CDYL: variants seen among roughly 807,000 people sequenced by gnomAD.
The protein encoded by CDYL is chromodomain Y like.
A neutral mutation model predicts 47.3 loss-of-function variants in CDYL; 8 were observed. The ratio of observed to expected loss-of-function variants is 0.17; its 90% confidence interval spans 0.10 to 0.31. CDYL has a LOEUF of 0.31. Among genes scored for constraint, CDYL ranks in the 10% least tolerant of loss-of-function variants. The probability of loss-of-function intolerance (pLI) is 1.00; values close to 1 mark genes in which losing one functional copy is unlikely to be tolerated. For missense variants in CDYL, 471 were observed against 701.4 expected, an observed-to-expected ratio of 0.67 and a Z score of 3.71; for synonymous variants, 266 against 265.0, an observed-to-expected ratio of 1.00 and a Z score of -0.04.
Position 4,805,212 on chromosome 6 carries a change from A to T in CDYL, c.24+28405A>T, listed in dbSNP as rs574912413. Among the ~76,000 whole-genome samples the T allele has an allele frequency of 2.0e-5, 3 of 152,368 alleles. No individual in the cohort carries two copies. The East Asian group carries it at 5.8e-4, about 29-fold the overall frequency. On this transcript the variant is annotated intron_variant, in intron 1 of 6. Transcript: ENST00000397588. ...AGAGTAAGTTTTGCTTTACTTTTAG[A>T]AACTTTTAGAACCAAACATGGGAAC... is the stretch of plus-strand genomic sequence containing the variant.
intron 3 of CDYL, among the ~76,000 whole-genome samples, chr6:4,759,302 A>G (rs1362454201): frequency 2.6e-5 from 4 of 152,120 alleles, no homozygotes; most frequent in Non-Finnish European, 5.9e-5. Flanking sequence ...CAAAATTAAT[A>G]CAGTTGTTAA....
At chr6:4,794,534 A>T (rs1759016893) in intron 1 of CDYL, among the ~76,000 whole-genome samples, 1 of 152,122 alleles carries the variant, frequency 6.6e-6, no homozygotes, top group Admixed American at 6.5e-5. Flanking sequence ...GTTTGCTTAA[A>T]GACAGAGGAA....
intron 2 of CDYL, among the ~76,000 whole-genome samples, chr6:4,925,599 G>A (rs1036348696): frequency 2.0e-5 from 3 of 151,824 alleles, no homozygotes; most frequent in African/African-American, 7.3e-5. Context: ...TGTATTTTTA[G>A]TAGAGGCGGG....
At chr6:4,819,162 C>CTCTCTCTCTCTCTGTG (rs1016051589) in intron 1 of CDYL, among the ~76,000 whole-genome samples, 1 of 111,944 alleles carries the variant, frequency 8.9e-6, no homozygotes, top group African/African-American at 4.8e-5. Flanking sequence ...CTCTCTCTCT[C>CTCTCTCTCTCTCTGTG]TGTGTGTGTG....
At position 4,937,717 on chromosome 6, in the gene CDYL, T is replaced by G; in HGVS notation, c.1101T>G (p.Thr367=). The change falls in exon 4 of 7, where the codon ACT becomes ACG. Residue 367 remains threonine (T), a synonymous_variant. Coordinates refer to ENST00000397588, the MANE Select transcript of CDYL (RefSeq NM_004824.4). ...CAGATGACAGGAAAAGAGAAAGCAC[T>G]AAAATGGCAGAAGCTATCAGGTATG... The part of the protein sequence containing the change: ...RLTDDRKRES[T]KMAEAIRNFV... 4 of 1,606,802 alleles carry G rather than the reference T, an allele frequency of 2.5e-6. No individual in the cohort carries two copies. The highest frequency in any genetic ancestry group is 3.4e-6 in the Non-Finnish European group (4 of 1,178,288).
At chr6:4,852,048 T>A (rs939605249) in intron 1 of CDYL, among the ~76,000 whole-genome samples, 2 of 152,194 alleles carry the variant, frequency 1.3e-5, no homozygotes, top group Non-Finnish European at 2.9e-5. Context: ...TGCTCTTCTG[T>A]AAAGCGATGG....
intron 2 of CDYL, among the ~76,000 whole-genome samples, chr6:4,729,409 A>G (rs1054498274): frequency 2.0e-5 from 3 of 152,098 alleles, no homozygotes; most frequent in African/African-American, 7.3e-5. Context: ...ACATTTCTAG[A>G]CCTTGATACC....
At chr6:4,806,419 CAG>C (rs140303233) in intron 1 of CDYL, among the ~76,000 whole-genome samples, 4,961 of 152,284 alleles carry the variant, frequency 0.033, 264 homozygotes, top group African/African-American at 0.11. Context: ...GGCTGTCAAA[CAG>C]AAAGTGTTTC....
intron 2 of CDYL, 70 bp downstream of exon 2, chr6:4,892,449 G>T (rs1762077864): frequency 3.4e-6 from 5 of 1,478,432 alleles, no homozygotes; most frequent in Admixed American, 4.4e-5. Flanking sequence ...CTAGAGATCA[G>T]GCCTTGAGCT....
chr6:4,875,552 T>C (rs985012997), intron 1 of CDYL, among the ~76,000 whole-genome samples: 1 of 152,238 alleles, frequency 6.6e-6, no homozygotes, highest in African/African-American at 2.4e-5. Context: ...ATATGGTAAA[T>C]GGAAATTTTA....
intron 5 of CDYL, among the ~76,000 whole-genome samples, chr6:4,950,808 T>C (rs962451110): frequency 6.6e-6 from 1 of 151,836 alleles, no homozygotes; most frequent in Admixed American, 6.6e-5. Context: ...GGCGGGCGCC[T>C]GTAGTCCCAG....
At position 4,858,925 on chromosome 6, in the gene CDYL, A is replaced by G. The variant is rs142612103; in HGVS notation, c.25-32788A>G. On this transcript the variant is annotated intron_variant, in intron 1 of 6. Coordinates refer to ENST00000397588, the MANE Select transcript of CDYL (RefSeq NM_004824.4). ...GAGCTTAAAACAGTGGTTGCCACAT[A>G]AACACTGGGCCAATGTTACCCAGGT... Among the ~76,000 whole-genome samples the G allele has an allele frequency of 5.1e-4, 77 of 152,350 alleles. No homozygotes were observed. In the East Asian group the frequency reaches 9.4e-3, roughly 19 times the overall value.
chr6:4,925,561 A>G (rs946567197), intron 2 of CDYL, among the ~76,000 whole-genome samples: 1 of 151,588 alleles, frequency 6.6e-6, no homozygotes, highest in African/African-American at 2.4e-5. Flanking sequence ...GACTACAGGC[A>G]CCCGCCACCA....
intron 1 of CDYL, among the ~76,000 whole-genome samples, chr6:4,710,336 G>GAAGGGAGGGAGA (rs1481820328): frequency 6.8e-6 from 1 of 147,286 alleles, no homozygotes; most frequent in Non-Finnish European, 1.5e-5. Flanking sequence ...AAGAAAGGAG[G>GAAGGGAGGGAGA]AAGGGAGGGA....
At chr6:4,830,604 T>C (rs1302619208) in intron 1 of CDYL, among the ~76,000 whole-genome samples, 1 of 152,126 alleles carries the variant, frequency 6.6e-6, no homozygotes, top group Non-Finnish European at 1.5e-5. Flanking sequence ...TTTAATTTTT[T>C]ATTTTTTCAT....
At chr6:4,744,012 A>G (rs972299013) in intron 3 of CDYL, among the ~76,000 whole-genome samples, 1 of 152,196 alleles carries the variant, frequency 6.6e-6, no homozygotes, top group African/African-American at 2.4e-5. Flanking sequence ...GTAGTTTCTC[A>G]TAAGGAGGGA....
At position 4,832,534 on chromosome 6, in the gene CDYL, TC is replaced by T. The variant is rs1760176741; in HGVS notation, c.24+55728del. Reference sequence around the variant, plus strand: ...TTCATCAAGGATATTGGTCTAAAATTCTCTTTTTTGGTTGTGTCTCTGCCTG... The same window carrying T: ...TTCATCAAGGATATTGGTCTAAAATTTCTTTTTTGGTTGTGTCTCTGCCTG... On this transcript the variant is annotated intron_variant, in intron 1 of 6. Transcript: ENST00000397588. Among the ~76,000 whole-genome samples, 8 of 151,286 alleles carry T rather than the reference TC, an allele frequency of 5.3e-5. No homozygotes were observed. In the South Asian group the frequency reaches 1.7e-3, roughly 32 times the overall value.
intron 1 of CDYL, among the ~76,000 whole-genome samples, chr6:4,819,148 CTCTCTCTCTCTCTCTGTG>C (rs1282086609): frequency 7.7e-4 from 109 of 142,090 alleles, no homozygotes; most frequent in African/African-American, 2.9e-3. Context: ...CTCTCTCTCT[CTCTCTCTCTCTCTCTGTG>C]TGTGTGTGTG....
intron 1 of CDYL, among the ~76,000 whole-genome samples, chr6:4,795,203 A>G (rs904585591): frequency 6.6e-6 from 1 of 151,664 alleles, no homozygotes; most frequent in African/African-American, 2.4e-5. Context: ...GAAGAGTTTT[A>G]AATCTTGGTT....
Sources: gnomAD v4.1 joint callset for allele counts (sites outside exome capture counted in the v4.1 genomes callset) on GRCh38, gnomAD v4.1.1 for gene constraint, MANE v1.5 for transcripts, NCBI Gene and HGNC (gene_info 2026-07-23, HGNC 2026-07-21) for gene names.